ACYP2: variants seen among roughly 807,000 people sequenced by gnomAD.
The protein encoded by ACYP2 is acylphosphatase 2.
ACYP2 carries 12 observed loss-of-function variants against 11.2 expected under a neutral mutation model. The ratio of observed to expected loss-of-function variants is 1.08; its 90% CI spans 0.69 to 1.74. The LOEUF (loss-of-function observed/expected upper bound fraction) is 1.74. Among genes scored for constraint, ACYP2 ranks in the 40% most tolerant of loss-of-function variants. ACYP2 has a pLI of 0.00. For missense variants in ACYP2, 134 were observed against 101.9 expected (o/e 1.31, Z -1.35); for synonymous variants, 43 against 32.2 (o/e 1.33, Z -1.13).
chr2:54,164,004 C>T (rs1366582821), intron 6 of ACYP2, among the ~76,000 whole-genome samples: 2 of 152,102 alleles, frequency 1.3e-5, no homozygotes, highest in East Asian at 3.8e-4. Flanking sequence ...AAAACTTATG[C>T]CTGTGAAAGT....
rs1683119771 is a variant in ACYP2, at chr2:54,168,951, A to G, written c.404+30203A>G. On this transcript the variant is annotated intron_variant, in intron 6 of 6. Transcript: ENST00000607452. Reference sequence around the variant, plus strand: ...ACTGAGGTGAAACACTGGTAAGATGAGCCAAAGCTTTATTTTTGGCGTCAT... The same window carrying G: ...ACTGAGGTGAAACACTGGTAAGATGGGCCAAAGCTTTATTTTTGGCGTCAT... Among the ~76,000 whole-genome samples, 3 of 152,356 alleles carry G rather than the reference A, an allele frequency of 2.0e-5. No individual in the cohort carries two copies. The South Asian group carries it at 6.2e-4, about 32-fold the overall frequency.
intron 2 of ACYP2, among the ~76,000 whole-genome samples, chr2:54,004,404 C>CTTTTTTT (rs1168703943): frequency 8.7e-5 from 8 of 92,086 alleles, no homozygotes; most frequent in Admixed American, 2.9e-4. Context: ...GTAGTTTAGC[C>CTTTTTTT]TTTTTTTTTT....
At chr2:54,170,871 G>A (rs1035950900) in intron 6 of ACYP2, among the ~76,000 whole-genome samples, 1 of 152,100 alleles carries the variant, frequency 6.6e-6, no homozygotes, top group Non-Finnish European at 1.5e-5. Flanking sequence ...CCATCTGCAG[G>A]TCTCAGTAAT....
At chr2:54,062,446 A>G (rs1676518706) in intron 4 of ACYP2, among the ~76,000 whole-genome samples, 1 of 152,210 alleles carries the variant, frequency 6.6e-6, no homozygotes, top group South Asian at 2.1e-4. Context: ...TTAGTTGCTG[A>G]GACCAGATCA....
intron 2 of ACYP2, among the ~76,000 whole-genome samples, chr2:53,983,449 C>T (rs890386783): frequency 2.7e-4 from 41 of 152,086 alleles, no homozygotes; most frequent in African/African-American, 9.2e-4. Context: ...GAGGCTGCAG[C>T]GAGATGTGAT....
In ACYP2 at chr2:53,994,512, C is replaced by CAA. The variant is rs759787287; in HGVS notation, c.62+20703_62+20704insAA. On this transcript the variant is annotated intron_variant, in intron 2 of 6. Coordinates refer to ENST00000607452, the MANE Select transcript of ACYP2 (RefSeq NM_001320586.2). The stretch of plus-strand genomic sequence containing the variant: ...CCAGCCTGGGTGACAGAGTAAGACT[C>CAA]AGAAAAAAAAAAAAAAAAAAGAGGA... 5.6e-4 allele frequency among the ~76,000 whole-genome samples: 17 copies of CAA among 30,496 alleles called. 4 individuals carry two copies. Among genetic ancestry groups the CAA allele is most frequent in the South Asian group, 3.2e-3 (2 of 618 alleles). The allele number at this position is 30,496 out of a possible 152,430, so 20.0% of individuals were successfully genotyped here. A position where few individuals can be genotyped will look rare whatever the true frequency, so the allele number is the denominator to read the frequency against.
At chr2:54,276,245 T>C (rs1688562488) in intron 6 of ACYP2, among the ~76,000 whole-genome samples, 1 of 152,074 alleles carries the variant, frequency 6.6e-6, no homozygotes, top group Non-Finnish European at 1.5e-5. Flanking sequence ...CTGGCCATTG[T>C]CCCAATAGCA....
chr2:54,147,791 T>C (rs1681963531), intron 6 of ACYP2, among the ~76,000 whole-genome samples: 1 of 152,156 alleles, frequency 6.6e-6, no homozygotes, highest in Non-Finnish European at 1.5e-5. Flanking sequence ...TCCCAAAGTG[T>C]TGGGATTACA....
chr2:54,059,727 A>G (rs1189023682), intron 4 of ACYP2, among the ~76,000 whole-genome samples: 2 of 152,156 alleles, frequency 1.3e-5, no homozygotes, highest in Admixed American at 6.5e-5. Context: ...AGGTCACTCC[A>G]TTGGTAACAA....
chr2:54,008,375 G>A (rs1673186406), intron 2 of ACYP2, among the ~76,000 whole-genome samples: 1 of 152,154 alleles, frequency 6.6e-6, no homozygotes, highest in African/African-American at 2.4e-5. Context: ...CCAAACTGCA[G>A]GTTTCTCTTG....
At chr2:54,137,463 C>T (rs2103780427) in intron 5 of ACYP2, among the ~76,000 whole-genome samples, 1 of 152,244 alleles carries the variant, frequency 6.6e-6, no homozygotes, top group Admixed American at 6.5e-5. Flanking sequence ...GCCCCAGTGT[C>T]TGTTGTTCCC....
At chr2:54,016,450 G>A (rs187275762) in intron 2 of ACYP2, among the ~76,000 whole-genome samples, 78 of 151,808 alleles carry the variant, frequency 5.1e-4, no homozygotes, top group African/African-American at 1.8e-3. Context: ...GGGAGAAACT[G>A]GAAGCAATGT....
At chr2:54,164,286 C>G (rs1357853930) in intron 6 of ACYP2, among the ~76,000 whole-genome samples, 2 of 152,164 alleles carry the variant, frequency 1.3e-5, no homozygotes, top group Non-Finnish European at 2.9e-5. Context: ...ATCTTAACTT[C>G]TTGTCTAGGA....
chr2:53,983,395 A>T (rs1220323209), intron 2 of ACYP2, among the ~76,000 whole-genome samples: 1 of 152,156 alleles, frequency 6.6e-6, no homozygotes, highest in Non-Finnish European at 1.5e-5. Flanking sequence ...AGTCCGAGCT[A>T]CTTGGGAGGC....
At chr2:54,169,913 T>C (rs935861380) in intron 6 of ACYP2, among the ~76,000 whole-genome samples, 1 of 152,144 alleles carries the variant, frequency 6.6e-6, no homozygotes, top group Non-Finnish European at 1.5e-5. Context: ...AACTGGTATC[T>C]CTTAAATCAT....
intron 4 of ACYP2, among the ~76,000 whole-genome samples, chr2:54,119,479 A>G (rs1047171629): frequency 1.3e-5 from 2 of 152,240 alleles, no homozygotes; most frequent in Admixed American, 6.5e-5. Flanking sequence ...GGAAGAACCT[A>G]TAATTGGGAA....
chr2:54,154,733 T>C (rs1366143187), intron 6 of ACYP2, among the ~76,000 whole-genome samples: 1 of 152,198 alleles, frequency 6.6e-6, no homozygotes, highest in East Asian at 1.9e-4. Context: ...CCTGTAATTT[T>C]CTTTTCTCAT....
rs10531789 is a variant in ACYP2, at chr2:54,304,218, C to CTGTG, written c.405-442_405-439dup. 5.2e-3 allele frequency among the ~76,000 whole-genome samples: 772 copies of CTGTG among 149,374 alleles called. 4 individuals carry two copies. Among genetic ancestry groups the CTGTG allele is most frequent in the Middle Eastern group, 0.01 (3 of 288 alleles). The stretch of plus-strand genomic sequence containing the variant: ...TGGATCTCTTTCATTATATATATGT[C>CTGTG]TGTGTGTGTGTGTGTGTGTGTGTGT... On this transcript the variant is annotated intron_variant, in intron 6 of 6. Coordinates refer to ENST00000607452, the MANE Select transcript of ACYP2 (RefSeq NM_001320586.2).
chr2:53,974,049 G>A (rs1348944879), intron 2 of ACYP2, among the ~76,000 whole-genome samples: 2 of 151,130 alleles, frequency 1.3e-5, no homozygotes, highest in African/African-American at 4.9e-5. Context: ...TGGGACCACA[G>A]GTGCGCACCA....
Sources: allele counts gnomAD v4.1 joint callset (sites outside exome capture counted in the v4.1 genomes callset), GRCh38; gene constraint gnomAD v4.1.1; transcripts MANE v1.5; gene names NCBI Gene and HGNC (gene_info 2026-07-23, HGNC 2026-07-21).